The following LRMDA variants were observed in gnomAD, a reference collection of about 807,000 sequenced individuals.
The protein encoded by LRMDA is leucine-rich melanocyte differentiation-associated protein.
A neutral mutation model predicts 29.8 loss-of-function variants in LRMDA; 18 were observed. That is an observed-to-expected ratio of 0.60 (90% CI 0.42 to 0.90). LRMDA has a LOEUF of 0.90. Among genes scored for constraint, LRMDA ranks in the 40% least tolerant of loss-of-function variants. LRMDA has a pLI of 0.00. For synonymous variants in LRMDA, 125 were observed against 109.4 expected, an observed-to-expected ratio of 1.14 and a Z score of -0.89; for missense variants, 273 against 273.9, an observed-to-expected ratio of 1.00 and a Z score of 0.02.
At chr10:75,837,062 T>A (rs943817165) in intron 2 of LRMDA, among the ~76,000 whole-genome samples, 2 of 152,196 alleles carry the variant, frequency 1.3e-5, no homozygotes, top group Non-Finnish European at 2.9e-5. Flanking sequence ...AAATCTATAT[T>A]GATATACTGA....
intron 5 of LRMDA, among the ~76,000 whole-genome samples, chr10:76,093,106 C>T (rs924030375): frequency 2.6e-5 from 4 of 152,020 alleles, no homozygotes; most frequent in African/African-American, 4.8e-5. Flanking sequence ...GACATGATCT[C>T]GGTTCACTGC....
At chr10:76,052,926 C>A (rs1262958215) in intron 4 of LRMDA, among the ~76,000 whole-genome samples, 2 of 152,042 alleles carry the variant, frequency 1.3e-5, no homozygotes, top group African/African-American at 2.4e-5. Context: ...GGACGTGAGA[C>A]TTAGAACTTA....
Position 75,500,669 on chromosome 10 carries a change from A to G in LRMDA, c.131+62175A>G, listed in dbSNP as rs370888746. ...TGCATGGCTAGGGAGGCCTCAGGAAACTTACAATCATGGCAGAAGGGGAAG... is the reference window on the plus strand; with the variant it reads ...TGCATGGCTAGGGAGGCCTCAGGAAGCTTACAATCATGGCAGAAGGGGAAG... On this transcript the variant is annotated intron_variant, in intron 2 of 6. Coordinates refer to ENST00000611255, the MANE Select transcript of LRMDA (RefSeq NM_001305581.2). Among the ~76,000 whole-genome samples the G allele has an allele frequency of 5.3e-4, 81 of 152,310 alleles. 1 individual carries two copies. Among genetic ancestry groups the G allele is most frequent in the African/African-American group, 1.8e-3 (75 of 41,568 alleles).
At chr10:75,929,593 A>T in intron 2 of LRMDA, among the ~76,000 whole-genome samples, 1 of 152,168 alleles carries the variant, frequency 6.6e-6, no homozygotes, top group Admixed American at 6.5e-5. Flanking sequence ...TATGCCTGGG[A>T]TAGTGCCTTA....
At chr10:76,050,316 C>A (rs921904253) in intron 4 of LRMDA, among the ~76,000 whole-genome samples, 3 of 152,202 alleles carry the variant, frequency 2.0e-5, no homozygotes, top group Non-Finnish European at 4.4e-5. Context: ...ACCCTTTTCA[C>A]TTCCTCACTT....
chr10:76,551,909 T>C (rs1165321747), intron 6 of LRMDA, among the ~76,000 whole-genome samples: 1 of 152,176 alleles, frequency 6.6e-6, no homozygotes, highest in Non-Finnish European at 1.5e-5. Context: ...GTTCCTTCGT[T>C]TCTCATACAG....
chr10:76,274,003 G>T (rs1472586164), intron 5 of LRMDA, among the ~76,000 whole-genome samples: 1 of 151,892 alleles, frequency 6.6e-6, no homozygotes, highest in Admixed American at 6.6e-5. Flanking sequence ...TTTAGACAAA[G>T]CAGGATATAT....
intron 2 of LRMDA, among the ~76,000 whole-genome samples, chr10:75,608,108 GTGTATATA>G (rs748654652): frequency 2.3e-5 from 2 of 88,448 alleles, no homozygotes; most frequent in Non-Finnish European, 4.9e-5. Context: ...ATTGTAGTGT[GTGTATATA>G]TATATATATA....
chr10:75,798,125 A>T (rs1431572717), intron 2 of LRMDA, among the ~76,000 whole-genome samples: 2 of 151,678 alleles, frequency 1.3e-5, no homozygotes, highest in Non-Finnish European at 2.9e-5. Context: ...TTTTCAAAAA[A>T]CATTCAAATC....
At chr10:75,732,015 T>C (rs1353998438) in intron 2 of LRMDA, among the ~76,000 whole-genome samples, 2 of 152,252 alleles carry the variant, frequency 1.3e-5, no homozygotes, top group East Asian at 1.9e-4. Context: ...AGTGACTAAG[T>C]ATTTGTTAAA....
intron 2 of LRMDA, among the ~76,000 whole-genome samples, chr10:75,700,256 GTT>G (rs34497500): frequency 0.05 from 7,013 of 140,518 alleles, 403 homozygotes; most frequent in African/African-American, 0.15. Flanking sequence ...CTTTGTGTGA[GTT>G]TTTTTTTTTT....
intron 2 of LRMDA, among the ~76,000 whole-genome samples, chr10:75,744,702 C>T (rs780896537): frequency 2.0e-5 from 3 of 152,100 alleles, no homozygotes; most frequent in African/African-American, 4.8e-5. Flanking sequence ...ATTTGTAGTT[C>T]GGTCGTCTTT....
intron 2 of LRMDA, among the ~76,000 whole-genome samples, chr10:75,682,192 C>T (rs888999400): frequency 6.6e-6 from 1 of 152,222 alleles, no homozygotes; most frequent in African/African-American, 2.4e-5. Context: ...CAGCAGAAAA[C>T]CACTACTCTA....
intron 2 of LRMDA, among the ~76,000 whole-genome samples, chr10:75,440,758 G>A (rs912101386): frequency 3.9e-5 from 6 of 152,272 alleles, no homozygotes; most frequent in South Asian, 2.1e-4. Context: ...AGCAGAGGCC[G>A]GACGTGGTGG....
chr10:76,004,100 T>G (rs1037847637), intron 2 of LRMDA, among the ~76,000 whole-genome samples: 1 of 152,218 alleles, frequency 6.6e-6, no homozygotes, highest in East Asian at 1.9e-4. Context: ...TTATCTGTAT[T>G]AAGAATAGAT....
At chr10:76,510,757 G>A (rs1002059403) in intron 6 of LRMDA, among the ~76,000 whole-genome samples, 2 of 152,180 alleles carry the variant, frequency 1.3e-5, no homozygotes, top group African/African-American at 4.8e-5. Flanking sequence ...TGTGATCCCA[G>A]ATGTGATTGA....
chr10:75,862,208 A>ACACACG (rs769363690), intron 2 of LRMDA, among the ~76,000 whole-genome samples: 11 of 151,802 alleles, frequency 7.2e-5, no homozygotes, highest in African/African-American at 2.2e-4. Context: ...ACACACACAC[A>ACACACG]CACGCACTTA....
chr10:76,123,245 A>G (rs1270120845), intron 5 of LRMDA, among the ~76,000 whole-genome samples: 2 of 151,932 alleles, frequency 1.3e-5, no homozygotes, highest in Admixed American at 6.6e-5. Flanking sequence ...ACAGTGGCTC[A>G]TACCTATAAT....
intron 2 of LRMDA, among the ~76,000 whole-genome samples, chr10:75,471,228 T>C (rs7897735): frequency 0.45 from 68,613 of 151,040 alleles, 17,427 homozygotes; most frequent in African/African-American, 0.7. Flanking sequence ...GGGTGGGGTG[T>C]GAGTGGGGTG....
Sources: allele counts gnomAD v4.1 joint callset (sites outside exome capture counted in the v4.1 genomes callset), GRCh38; gene constraint gnomAD v4.1.1; transcripts MANE v1.5; gene names NCBI Gene and HGNC (gene_info 2026-07-23, HGNC 2026-07-21).